The following MRAP2 variants were observed in gnomAD, a reference collection of about 807,000 sequenced individuals.
MRAP2 encodes the protein melanocortin 2 receptor accessory protein 2.
Under a neutral mutation model 17.4 loss-of-function variants are expected in MRAP2, and 20 were observed. The observed-to-expected ratio is 1.15, with a 90% CI of 0.81 to 1.67. The LOEUF (loss-of-function observed/expected upper bound fraction) is 1.67. MRAP2 is among the 40% of genes most tolerant of loss of function. The probability of loss-of-function intolerance (pLI) is 0.00; values close to 1 mark genes in which losing one functional copy is unlikely to be tolerated. For synonymous variants in MRAP2, 96 were observed against 88.4 expected, an observed-to-expected ratio of 1.09 and a Z score of -0.48; for missense variants, 238 against 240.0, an observed-to-expected ratio of 0.99 and a Z score of 0.05.
intron 3 of MRAP2, among the ~76,000 whole-genome samples, chr6:84,073,274 C>T (rs893680912): frequency 2.0e-5 from 3 of 152,174 alleles, no homozygotes; most frequent in Non-Finnish European, 1.5e-5. Flanking sequence ...TCTTCCTCTA[C>T]CCCTGTATTT....
chr6:84,082,676 T>G (rs1490921204), intron 3 of MRAP2, among the ~76,000 whole-genome samples: 1 of 152,118 alleles, frequency 6.6e-6, no homozygotes, highest in Non-Finnish European at 1.5e-5. Flanking sequence ...ACTTCAGAGC[T>G]CAAATAATCC....
chr6:84,109,763 C>A, the MRAP2 span, among the ~76,000 whole-genome samples: 12 of 151,760 alleles, frequency 7.9e-5, no homozygotes, highest in Admixed American at 2.0e-4. Flanking sequence ...CCCCCCACCC[C>A]CCGACAGGTC....
the MRAP2 span, chr6:84,124,221 A>G: frequency 6.6e-6 from 1 of 152,158 alleles, no homozygotes; most frequent in East Asian, 1.9e-4. Context: ...AATCTACCCA[A>G]AGGAACAGAA....
At chr6:84,048,691 T>C (rs1027261538) in intron 1 of MRAP2, among the ~76,000 whole-genome samples, 1 of 152,190 alleles carries the variant, frequency 6.6e-6, no homozygotes, top group Non-Finnish European at 1.5e-5. Context: ...GATGGAGCAT[T>C]AGGGTCCTGT....
chr6:84,093,659 G>T (rs1055063006), downstream of MRAP2, among the ~76,000 whole-genome samples: 10 of 152,208 alleles, frequency 6.6e-5, no homozygotes, highest in African/African-American at 2.2e-4. Context: ...TTTTATCAGG[G>T]CATGTATAGG....
chr6:84,060,380 C>T (rs1184452174), intron 2 of MRAP2, among the ~76,000 whole-genome samples: 1 of 152,174 alleles, frequency 6.6e-6, no homozygotes, highest in Non-Finnish European at 1.5e-5. Flanking sequence ...GGCACGCTTT[C>T]CTCCACCTCT....
intron 1 of MRAP2, among the ~76,000 whole-genome samples, chr6:84,044,058 G>T (rs1159650823): frequency 6.6e-6 from 1 of 152,058 alleles, no homozygotes; most frequent in Non-Finnish European, 1.5e-5. Flanking sequence ...GGACTTCCTA[G>T]GACAGTTTAA....
At chr6:84,066,084 C>T (rs1215855932) in intron 3 of MRAP2, among the ~76,000 whole-genome samples, 1 of 152,132 alleles carries the variant, frequency 6.6e-6, no homozygotes, top group Non-Finnish European at 1.5e-5. Context: ...CTAATCTTCA[C>T]TTCCGTGTGG....
At chr6:84,112,076 T>A in the MRAP2 span, among the ~76,000 whole-genome samples, 30 of 152,298 alleles carry the variant, frequency 2.0e-4, no homozygotes, top group African/African-American at 7.2e-4. Context: ...TTTTTTGCTG[T>A]GTTTCTGCCA....
chr6:84,035,545 A>G, intron 1 of MRAP2: 1 of 422,868 alleles, frequency 2.4e-6, no homozygotes, highest in Non-Finnish European at 3.2e-6. Flanking sequence ...GCCAAGAGAA[A>G]GAAAGATAAG....
the MRAP2 span, among the ~76,000 whole-genome samples, chr6:84,133,897 G>C: frequency 1.3e-5 from 2 of 152,148 alleles, no homozygotes; most frequent in Non-Finnish European, 2.9e-5. Flanking sequence ...AGATGAACCT[G>C]GTACCTCAGT....
chr6:84,075,450 A>T (rs995798002), intron 3 of MRAP2, among the ~76,000 whole-genome samples: 1 of 152,116 alleles, frequency 6.6e-6, no homozygotes, highest in Non-Finnish European at 1.5e-5. Flanking sequence ...TTGCTTTTGT[A>T]TGGTGGGGCA....
chr6:84,142,953 G>C, the MRAP2 span, among the ~76,000 whole-genome samples: 432 of 152,084 alleles, frequency 2.8e-3, no homozygotes, highest in African/African-American at 1.0e-2. Flanking sequence ...ATTTTCATAA[G>C]CAATCCAAGC....
At chr6:84,099,487 G>C in the MRAP2 span, among the ~76,000 whole-genome samples, 2 of 152,166 alleles carry the variant, frequency 1.3e-5, no homozygotes, top group Non-Finnish European at 1.5e-5. Flanking sequence ...TGTTGGAGTT[G>C]GGCCTAGTGG....
chr6:84,035,387 C>G (rs746201243), intron 1 of MRAP2: 5 of 981,018 alleles, frequency 5.1e-6, no homozygotes, highest in African/African-American at 1.8e-5. Context: ...CAAATACTTA[C>G]GCCAAACCAA....
At chr6:84,120,285 G>C in the MRAP2 span, among the ~76,000 whole-genome samples, 1 of 152,146 alleles carries the variant, frequency 6.6e-6, no homozygotes, top group Non-Finnish European at 1.5e-5. Context: ...TTGGTCTACT[G>C]ATTCAAATGC....
intron 3 of MRAP2, among the ~76,000 whole-genome samples, chr6:84,087,530 C>T (rs1222779464): frequency 6.6e-6 from 1 of 152,172 alleles, no homozygotes; most frequent in Non-Finnish European, 1.5e-5. Context: ...TTTATCAGGT[C>T]ACAGGTTGCT....
chr6:84,036,490 C>T (rs1013554149), intron 1 of MRAP2, among the ~76,000 whole-genome samples: 2 of 151,938 alleles, frequency 1.3e-5, no homozygotes, highest in African/African-American at 4.8e-5. Context: ...GATGTTCGGA[C>T]GTGTTTGGAG....
intron 3 of MRAP2, among the ~76,000 whole-genome samples, chr6:84,064,095 A>G (rs1480314062): frequency 2.0e-5 from 3 of 151,610 alleles, no homozygotes; most frequent in Non-Finnish European, 2.9e-5. Flanking sequence ...TGCGGAAGTT[A>G]TGGACAGGGA....
Sources: allele counts gnomAD v4.1 joint callset (sites outside exome capture counted in the v4.1 genomes callset), GRCh38; gene constraint gnomAD v4.1.1; transcripts MANE v1.5; gene names NCBI Gene and HGNC (gene_info 2026-07-23, HGNC 2026-07-21).